The following RASA2 variants were observed in gnomAD, a reference collection of about 807,000 sequenced individuals.
RASA2 encodes RAS p21 protein activator 2.
RASA2 carries 155 observed loss-of-function variants against 118.2 expected under a neutral mutation model. The observed-to-expected ratio is 1.31, with a 90% CI of 1.15 to 1.50. RASA2 has a LOEUF of 1.50. Ranked by LOEUF, RASA2 falls within the 40% of genes most tolerant of loss-of-function variation. The probability of loss-of-function intolerance (pLI) is 0.00; values close to 1 mark genes in which losing one functional copy is unlikely to be tolerated. For synonymous variants in RASA2, 353 were observed against 349.1 expected (o/e 1.01, Z -0.12); for missense variants, 1,016 against 1,009.6 (o/e 1.01, Z -0.09).
intron 1 of RASA2, among the ~76,000 whole-genome samples, chr3:141,493,252 C>T (rs2081659826): frequency 6.6e-6 from 1 of 152,142 alleles, no homozygotes; most frequent in African/African-American, 2.4e-5. Flanking sequence ...GTAAGATTTT[C>T]ACTGTGCCGT....
At chr3:141,587,443 G>A (rs2083221941) in intron 19 of RASA2, among the ~76,000 whole-genome samples, 1 of 151,942 alleles carries the variant, frequency 6.6e-6, no homozygotes, top group Non-Finnish European at 1.5e-5. Flanking sequence ...CAGGTGTGGT[G>A]GCTCATGCCT....
intron 2 of RASA2, among the ~76,000 whole-genome samples, chr3:141,515,237 T>G (rs1246039830): frequency 6.6e-6 from 1 of 152,228 alleles, no homozygotes; most frequent in Admixed American, 6.5e-5. Flanking sequence ...TTTAATTTTT[T>G]AAAAATAGCT....
intron 17 of RASA2, among the ~76,000 whole-genome samples, chr3:141,584,588 G>A (rs1358731914): frequency 6.6e-6 from 1 of 152,144 alleles, no homozygotes; most frequent in Non-Finnish European, 1.5e-5. Flanking sequence ...TCATGACTGT[G>A]AAATACCATC....
chr3:141,491,200 T>A (rs2081636420), intron 1 of RASA2, among the ~76,000 whole-genome samples: 1 of 152,216 alleles, frequency 6.6e-6, no homozygotes, highest in Non-Finnish European at 1.5e-5. Flanking sequence ...GTATACAGGT[T>A]GTTCCCTCTG....
At chr3:141,579,129 A>T (rs1360192809) in intron 15 of RASA2, among the ~76,000 whole-genome samples, 1 of 151,610 alleles carries the variant, frequency 6.6e-6, no homozygotes. Context: ...GGTTGGGGGG[A>T]TACTAAAATA....
In RASA2 at chr3:141,571,102, C is replaced by G. The variant is rs201626730; in HGVS notation, c.1020+34C>G. 6.3e-5 allele frequency: 97 copies of G among 1,544,182 alleles called. No homozygotes were observed. The East Asian group carries it at 2.0e-3, about 32-fold the overall frequency. On this transcript the variant is annotated intron_variant, in intron 10 of 23. Coordinates refer to ENST00000286364, the MANE Select transcript of RASA2 (RefSeq NM_006506.5). ...AGAATCTTAAGGATATGATTTAACA[C>G]GAAACGGCTAAAATAATTCTATAAA...
rs756841175 is a variant in RASA2 at position 141,608,606 on chromosome 3, A to G, written c.2134A>G (p.Ser712Gly). The G allele has an allele frequency of 6.2e-7, 1 of 1,614,006 alleles. No individual in the cohort carries two copies. ...GAGCCGATGCAATCAAAACAGGCTCAGTTTTTATCATCCCTCTGTGTATCT... is the reference window on the plus strand; with the variant it reads ...GAGCCGATGCAATCAAAACAGGCTCGGTTTTTATCATCCCTCTGTGTATCT... ...RVSRCNQNRLSFYHPSVYLNG... is the reference protein window; with the variant it reads ...RVSRCNQNRLGFYHPSVYLNG... The change falls in exon 21 of 24, where the codon AGT (serine) becomes GGT (glycine). Residue 712 changes from serine to glycine, a missense_variant. Transcript: ENST00000286364.
chr3:141,518,075 T>G (rs2082054798), intron 3 of RASA2, among the ~76,000 whole-genome samples: 1 of 152,212 alleles, frequency 6.6e-6, no homozygotes, highest in African/African-American at 2.4e-5. Flanking sequence ...ATCTTTGTAT[T>G]TTAATCATAG....
At chr3:141,542,217 T>A (rs1425914978) in intron 5 of RASA2, among the ~76,000 whole-genome samples, 1 of 152,174 alleles carries the variant, frequency 6.6e-6, no homozygotes, top group East Asian at 1.9e-4. Flanking sequence ...CAAGCAACCA[T>A]GATCTGATTT....
intron 9 of RASA2, among the ~76,000 whole-genome samples, chr3:141,566,786 T>G (rs1228108750): frequency 6.6e-6 from 1 of 152,182 alleles, no homozygotes; most frequent in African/African-American, 2.4e-5. Flanking sequence ...ATAGAGAAGA[T>G]GGCAGCTTTT....
chr3:141,585,316 T>C (rs1428094674), intron 17 of RASA2, among the ~76,000 whole-genome samples: 1 of 152,182 alleles, frequency 6.6e-6, no homozygotes, highest in Non-Finnish European at 1.5e-5. Context: ...GTAAGTAATA[T>C]AAGTACAGAG....
At chr3:141,544,878 C>T (rs184925081) in intron 5 of RASA2, among the ~76,000 whole-genome samples, 17 of 152,242 alleles carry the variant, frequency 1.1e-4, no homozygotes, top group East Asian at 1.9e-4. Context: ...AGCAGACTAA[C>T]GCAGAAACAG....
chr3:141,561,634 T>C (rs2082731219), intron 9 of RASA2, among the ~76,000 whole-genome samples: 1 of 152,238 alleles, frequency 6.6e-6, no homozygotes, highest in Non-Finnish European at 1.5e-5. Context: ...TAGCATCCCC[T>C]TGTGGGGTTG....
chr3:141,550,631 G>A (rs947174703), intron 5 of RASA2, among the ~76,000 whole-genome samples: 4 of 152,182 alleles, frequency 2.6e-5, no homozygotes, highest in African/African-American at 4.8e-5. Flanking sequence ...TCAAAATAAG[G>A]TTTTTAAAAT....
chr3:141,548,658 CT>C (rs2082524109), intron 5 of RASA2, among the ~76,000 whole-genome samples: 1 of 152,070 alleles, frequency 6.6e-6, no homozygotes, highest in Non-Finnish European at 1.5e-5. Context: ...TCTTGCTGGA[CT>C]TTGGTTTTGG....
At chr3:141,529,645 G>A (rs2082231249) in intron 3 of RASA2, 63 bp from the exon 4 acceptor site, 2 of 1,126,504 alleles carry the variant, frequency 1.8e-6, no homozygotes, top group Non-Finnish European at 2.6e-6. Context: ...ATAAAACAGT[G>A]CTAATGAGTC....
intron 5 of RASA2, among the ~76,000 whole-genome samples, chr3:141,546,838 T>G (rs1300823320): frequency 6.6e-6 from 1 of 152,224 alleles, no homozygotes; most frequent in Non-Finnish European, 1.5e-5. Context: ...GTGGTCTAGA[T>G]TTAAGCCTTT....
At chr3:141,499,317 A>ATAT (rs1446415844) in intron 1 of RASA2, among the ~76,000 whole-genome samples, 12 of 152,316 alleles carry the variant, frequency 7.9e-5, no homozygotes, top group Admixed American at 1.3e-4. Flanking sequence ...GTACTTATAT[A>ATAT]TAGTTCAGGT....
intron 23 of RASA2, among the ~76,000 whole-genome samples, chr3:141,610,420 AT>A (rs2083626929): frequency 9.0e-6 from 1 of 111,152 alleles, no homozygotes; most frequent in African/African-American, 4.2e-5. Flanking sequence ...ATTTATATTT[AT>A]ATATTATATA....
Sources: gnomAD v4.1 joint callset for allele counts (sites outside exome capture counted in the v4.1 genomes callset) on GRCh38, gnomAD v4.1.1 for gene constraint, MANE v1.5 for transcripts, NCBI Gene and HGNC (gene_info 2026-07-23, HGNC 2026-07-21) for gene names.